The following HSH2D variants were observed in gnomAD, a reference collection of about 807,000 sequenced individuals.
The protein encoded by HSH2D is hematopoietic SH2 domain containing.
HSH2D carries 16 observed loss-of-function variants against 21.5 expected under a neutral mutation model. The observed-to-expected ratio is 0.74, with a 90% CI of 0.50 to 1.13. The LOEUF (loss-of-function observed/expected upper bound fraction) is 1.13, where lower values mean the gene tolerates loss of function less well. Among genes scored for constraint, HSH2D ranks in the 50% most tolerant of loss-of-function variants. The pLI is 0.00. For synonymous variants in HSH2D, 172 were observed against 184.7 expected (o/e 0.93, Z 0.56); for missense variants, 418 against 441.4 (o/e 0.95, Z 0.47).
At chr19:16,145,313 C>T (rs575204803) in intron 1 of HSH2D, among the ~76,000 whole-genome samples, 91 of 151,874 alleles carry the variant, frequency 6.0e-4, no homozygotes, top group African/African-American at 2.0e-3. Flanking sequence ...CCCAGATTCA[C>T]GCAATTCTCC....
intron 1 of HSH2D, among the ~76,000 whole-genome samples, chr19:16,136,400 C>A (rs1272789585): frequency 6.6e-6 from 1 of 152,146 alleles, no homozygotes; most frequent in African/African-American, 2.4e-5. Context: ...TAAGAGGGAG[C>A]TGCCTGGGCC....
intron 1 of HSH2D, 145 bp downstream of exon 1, chr19:16,143,919 A>G: frequency 3.8e-6 from 1 of 265,052 alleles, no homozygotes; most frequent in South Asian, 2.7e-5. Context: ...AGGAGGGGGT[A>G]TTTGTGGTGA....
At chr19:16,136,896 C>T (rs2090967713) in intron 1 of HSH2D, among the ~76,000 whole-genome samples, 1 of 152,230 alleles carries the variant, frequency 6.6e-6, no homozygotes, top group Admixed American at 6.5e-5. Flanking sequence ...CAAACACTGC[C>T]TCCTCACCAG....
At position 16,152,659 on chromosome 19, in the gene HSH2D, A is replaced by T; in HGVS notation, c.215+18A>T. ...TCCTACAAGTAAGGCCTGGGCCGGG[A>T]TCCAGGGCAGGGGCAGGTGGGCTCT... On this transcript the variant is annotated intron_variant, in intron 3 of 5. Transcript: ENST00000613986. 2 of 1,541,060 alleles carry T rather than the reference A, an allele frequency of 1.3e-6. No individual in the cohort carries two copies. The highest frequency in any genetic ancestry group is 1.8e-6 in the Non-Finnish European group (2 of 1,140,660).
chr19:16,144,316 A>AG (rs776146161), intron 1 of HSH2D, among the ~76,000 whole-genome samples: 12 of 151,564 alleles, frequency 7.9e-5, no homozygotes, highest in Non-Finnish European at 1.2e-4. Flanking sequence ...AGAGAGGAAC[A>AG]GGGGGGAACG....
At position 16,154,485 on chromosome 19, in the gene HSH2D, T is replaced by C; in HGVS notation, c.468T>C (p.Pro156=). ...AAGCTGCCTGCCCGGTGTCTGCCCC[T>C]GAGGAGGTATGTATATGACAGGAGG... is the stretch of plus-strand genomic sequence containing the variant. ...AEEAACPVSA[P]EEASPKPVLC... Residue 156 remains proline (P), a synonymous_variant, in exon 5 of 6, where the codon CCT becomes CCC. Coordinates refer to ENST00000613986, the MANE Select transcript of HSH2D (RefSeq NM_001382417.1). The C allele has an allele frequency of 6.5e-7, 1 of 1,549,696 alleles. No individual in the cohort carries two copies. The highest frequency in any genetic ancestry group is 8.7e-7 in the Non-Finnish European group (1 of 1,145,292).
intron 5 of HSH2D, among the ~76,000 whole-genome samples, chr19:16,155,260 G>A (rs2145060374): frequency 6.6e-6 from 1 of 152,196 alleles, no homozygotes; most frequent in African/African-American, 2.4e-5. Context: ...ATGGACATCA[G>A]TGGAGGTGGG....
chr19:16,134,695 C>T (rs2090948717), intron 1 of HSH2D, among the ~76,000 whole-genome samples: 1 of 152,156 alleles, frequency 6.6e-6, no homozygotes, highest in South Asian at 2.1e-4. Context: ...GCTGACCCCT[C>T]CCGAGTTGTA....
chr19:16,143,733 C>T lies in HSH2D; in HGVS notation c.-69C>T. 1 of 454,316 alleles carries T rather than the reference C, an allele frequency of 2.2e-6. No homozygotes were observed. Among genetic ancestry groups the T allele is most frequent in the Non-Finnish European group, 4.4e-6 (1 of 225,594 alleles). 28.1% of individuals were successfully genotyped at this position (454,316 alleles called of 1,614,324 possible). Reference sequence around the variant, plus strand: ...AAACCCAGGCTCCTGCAGGCACTGGCACAGCTACAGCGAGGGCCTCGGCCA... The same window carrying T: ...AAACCCAGGCTCCTGCAGGCACTGGTACAGCTACAGCGAGGGCCTCGGCCA... On this transcript the variant is annotated 5_prime_UTR_variant, in exon 1 of 6. Coordinates refer to ENST00000613986, the MANE Select transcript of HSH2D (RefSeq NM_001382417.1).
intron 2 of HSH2D, 74 bp from the exon 3 acceptor site, chr19:16,152,478 C>A: frequency 1.2e-6 from 1 of 833,732 alleles, no homozygotes; most frequent in Non-Finnish European, 1.7e-6. Flanking sequence ...TGAATGATCC[C>A]ATGGCCCCAG....
At chr19:16,142,752 C>G (rs530844833), upstream of HSH2D, among the ~76,000 whole-genome samples, 1 of 151,924 alleles carries the variant, frequency 6.6e-6, no homozygotes, top group Admixed American at 6.6e-5. Flanking sequence ...CATGAGCCAC[C>G]GCACCCAGCT....
chr19:16,148,995 T>A, intron 2 of HSH2D, 120 bp downstream of exon 2: 2 of 1,082,838 alleles, frequency 1.8e-6, no homozygotes, highest in Non-Finnish European at 2.6e-6. Context: ...GGCAAGAGGC[T>A]AAAATGAGCT....
rs1216493604 is a variant in HSH2D at position 16,154,450 on chromosome 19, G to A, written c.433G>A (p.Val145Met). 6.4e-7 allele frequency: 1 copy of A among 1,552,894 alleles called. No homozygotes were observed. Among genetic ancestry groups the A allele is most frequent in the Admixed American group, 2.0e-5 (1 of 51,132 alleles). ...YEDLFLYSNA[V>M]AEEAACPVSA... ...GGATCTCTTCCTCTACTCCAACGCA[G>A]TGGCCGAGGAAGCTGCCTGCCCGGT... is the stretch of plus-strand genomic sequence containing the variant. Residue 145 changes from valine (V) to methionine (M), a missense_variant, in exon 5 of 6, where the codon GTG becomes ATG. Physicochemically the swap from Val to Met is conservative, Grantham distance 21. Coordinates refer to ENST00000613986, the MANE Select transcript of HSH2D (RefSeq NM_001382417.1).
intron 1 of HSH2D, among the ~76,000 whole-genome samples, chr19:16,145,332 C>G (rs2091053856): frequency 6.6e-6 from 1 of 152,128 alleles, no homozygotes; most frequent in African/African-American, 2.4e-5. Flanking sequence ...CCTGCCTCAG[C>G]CTCCTGAGTA....
chr19:16,154,686 C>T (rs1312989423), intron 5 of HSH2D, 195 bp downstream of exon 5: 1 of 470,172 alleles, frequency 2.1e-6, no homozygotes, highest in Non-Finnish European at 3.9e-6. Flanking sequence ...TTCTGCCTGT[C>T]ACCTACCCAG....
chr19:16,152,397 G>T (rs988359129), intron 2 of HSH2D, among the ~76,000 whole-genome samples, 155 bp from the exon 3 acceptor site: 2 of 149,892 alleles, frequency 1.3e-5, no homozygotes, highest in African/African-American at 4.9e-5. Context: ...CAGCCGGGGG[G>T]ACAGAGCGAG....
intron 2 of HSH2D, among the ~76,000 whole-genome samples, chr19:16,152,108 C>CAAAAAAAAA (rs35744412): frequency 1.1e-5 from 1 of 89,128 alleles, no homozygotes; most frequent in African/African-American, 4.7e-5. Flanking sequence ...TCTGTCTCAA[C>CAAAAAAAAA]AAAAAAAAAA....
At chr19:16,154,784 T>G (rs945829770) in intron 5 of HSH2D, 2 of 269,376 alleles carry the variant, frequency 7.4e-6, no homozygotes, top group African/African-American at 4.4e-5. Context: ...CCTCAGGTCC[T>G]TTGCACAAAC....
Position 16,154,490 on chromosome 19 carries a change from A to G in HSH2D, c.473A>G (p.Glu158Gly). 6.5e-7 allele frequency: 1 copy of G among 1,548,484 alleles called. No homozygotes were observed. The highest frequency in any genetic ancestry group is 8.7e-7 in the Non-Finnish European group (1 of 1,144,436). The stretch of plus-strand genomic sequence containing the variant: ...GCCTGCCCGGTGTCTGCCCCTGAGG[A>G]GGTATGTATATGACAGGAGGCTGGC... ...EAACPVSAPEEASPKPVLCHQ... is the reference protein window; with the variant it reads ...EAACPVSAPEGASPKPVLCHQ... The change falls in exon 5 of 6, where the codon GAG becomes GGG. Residue 158 changes from glutamate to glycine, a missense_variant and splice_region_variant. By Grantham distance (98) the Glu-to-Gly change is moderately conservative. Coordinates refer to ENST00000613986, the MANE Select transcript of HSH2D (RefSeq NM_001382417.1).
Sources: gnomAD v4.1 joint callset for allele counts (sites outside exome capture counted in the v4.1 genomes callset) on GRCh38, gnomAD v4.1.1 for gene constraint, MANE v1.5 for transcripts, NCBI Gene and HGNC (gene_info 2026-07-23, HGNC 2026-07-21) for gene names.